Variants in EVC observed in about 807,000 individuals in gnomAD.
EVC encodes EvC ciliary complex subunit 1.
Under a neutral mutation model 118.9 loss-of-function variants are expected in EVC, and 116 were observed. That is an observed-to-expected ratio of 0.98 (90% CI 0.84 to 1.14). The LOEUF (loss-of-function observed/expected upper bound fraction) is 1.14, where lower values mean the gene tolerates loss of function less well. Among genes scored for constraint, EVC ranks in the 50% most tolerant of loss-of-function variants. The pLI, the probability that EVC is intolerant of heterozygous loss-of-function variation, is 0.00. For synonymous variants in EVC, 619 were observed against 534.7 expected, an observed-to-expected ratio of 1.16 and a Z score of -2.18; for missense variants, 1,401 against 1,246.4, an observed-to-expected ratio of 1.12 and a Z score of -1.87.
chr4:5,779,367 A>G (rs941784325), intron 11 of EVC, among the ~76,000 whole-genome samples: 4 of 150,864 alleles, frequency 2.7e-5, no homozygotes, highest in African/African-American at 9.7e-5. Context: ...GTTTTTTCCA[A>G]TTCTGTGAAG....
chr4:5,736,506 ATTTTTT>A (rs60275784), intron 5 of EVC, among the ~76,000 whole-genome samples: 4 of 136,182 alleles, frequency 2.9e-5, no homozygotes, highest in Admixed American at 7.4e-5. Flanking sequence ...GAGATGCTGC[ATTTTTT>A]TTTTTTTTTT....
rs1560427583 is a variant in EVC at position 5,798,578 on chromosome 4, C to T, written c.2098-8C>T. Reference sequence around the variant, plus strand: ...CTTGGCCCCTGCTCCCAGTCCTTTCCCTCCCAGGAGGCGCGTGTGCTGGAG... The same window carrying T: ...CTTGGCCCCTGCTCCCAGTCCTTTCTCTCCCAGGAGGCGCGTGTGCTGGAG... On this transcript the variant is annotated splice_region_variant and splice_polypyrimidine_tract_variant and intron_variant, in intron 14 of 20. Transcript: ENST00000264956. This position sits in a 1 kb window ranked among gnomAD's most constrained non-coding sequence, Gnocchi z 4.1. 2 of 1,556,024 alleles carry T rather than the reference C, an allele frequency of 1.3e-6. No individual in the cohort carries two copies. Among genetic ancestry groups the T allele is most frequent in the East Asian group, 2.4e-5 (1 of 41,428 alleles).
chr4:5,711,944 T>G (rs931260266), intron 1 of EVC, among the ~76,000 whole-genome samples: 4 of 152,180 alleles, frequency 2.6e-5, no homozygotes, highest in African/African-American at 9.7e-5. Context: ...CTTCCATCCT[T>G]GCGGTGTGGG....
chr4:5,797,084 C>A lies in EVC; in HGVS notation c.1949C>A (p.Ala650Glu). The A allele has an allele frequency of 1.9e-6, 3 of 1,613,474 alleles. 1 individual carries two copies. The highest frequency in any genetic ancestry group is 2.2e-5 in the South Asian group (2 of 91,082). The stretch of plus-strand genomic sequence containing the variant: ...TTGCGCTCAGCCCTCCGGAGGCTGG[C>A]ACTCCGCGGCAACGCCCTGGCCACC... Reference protein sequence around the residue: ...LLLRSALRRLALRGNALATLT... With the variant: ...LLLRSALRRLELRGNALATLT... Residue 650 changes from alanine (A) to glutamate (E), a missense_variant, in exon 14 of 21, where the codon GCA becomes GAA. By Grantham distance (107) the Ala-to-Glu change is moderately radical (BLOSUM62 -1). Transcript: ENST00000264956.
chr4:5,728,732 G>A (rs1275484734), intron 2 of EVC, among the ~76,000 whole-genome samples: 3 of 152,170 alleles, frequency 2.0e-5, no homozygotes, highest in Admixed American at 6.5e-5. Context: ...CCCAACTCTT[G>A]TGTGTGAATA....
chr4:5,770,244 T>C (rs7686087), intron 11 of EVC, among the ~76,000 whole-genome samples: 1 of 151,882 alleles, frequency 6.6e-6, no homozygotes, highest in African/African-American at 2.4e-5. Flanking sequence ...TGGCTGACCC[T>C]CCGCCCCCAC....
rs1277460242 is a variant in EVC at position 5,811,287 on chromosome 4, G to A, written c.*250G>A. ...GCATTTCATTTGGCTTGGAGCCCTG[G>A]CTCGATGCCTCATGGATCTTTCTCC... On this transcript the variant is annotated 3_prime_UTR_variant, in exon 21 of 21. Transcript: ENST00000264956. The A allele has an allele frequency of 2.1e-5, 10 of 478,876 alleles. No homozygotes were observed. Among genetic ancestry groups the A allele is most frequent in the South Asian group, 2.1e-4 (10 of 48,120 alleles). 29.7% of individuals were successfully genotyped at this position (478,876 alleles called of 1,614,324 possible).
At chr4:5,776,077 G>C (rs1363237809) in intron 11 of EVC, among the ~76,000 whole-genome samples, 6 of 151,628 alleles carry the variant, frequency 4.0e-5, no homozygotes, top group Admixed American at 3.9e-4. Flanking sequence ...TTTGCTAAGT[G>C]TGTTTCTCAT....
chr4:5,792,380 T>C (rs187180228), intron 12 of EVC, among the ~76,000 whole-genome samples: 4 of 152,338 alleles, frequency 2.6e-5, no homozygotes, highest in South Asian at 2.1e-4. Context: ...AATTATACTT[T>C]AGGCAGAAAA....
At chr4:5,810,680 G>A (rs1171121633) in intron 20 of EVC, among the ~76,000 whole-genome samples, 1 of 152,184 alleles carries the variant, frequency 6.6e-6, no homozygotes, top group Non-Finnish European at 1.5e-5. Context: ...GGCCAGATGA[G>A]CCTTGACCTA....
intron 1 of EVC, among the ~76,000 whole-genome samples, chr4:5,718,813 A>G (rs1724435215): frequency 6.6e-6 from 1 of 152,244 alleles, no homozygotes; most frequent in African/African-American, 2.4e-5. Flanking sequence ...GTCACCTAAC[A>G]TATTGTCTTA....
rs992618545 is a variant in EVC at position 5,742,376 on chromosome 4, T to G, written c.801+562T>G. ...AATGTCATAGTTGGCTGTGAATATG[T>G]GATGGCTGCTGTCATCCTCATTATC... On this transcript the variant is annotated intron_variant, in intron 6 of 20. Coordinates refer to ENST00000264956, the MANE Select transcript of EVC (RefSeq NM_153717.3). This position sits in a 1 kb window ranked among gnomAD's most constrained non-coding sequence, Gnocchi z 5.2. Among the ~76,000 whole-genome samples, 1 of 152,196 alleles carries G rather than the reference T, an allele frequency of 6.6e-6. No individual in the cohort carries two copies. The highest frequency in any genetic ancestry group is 1.5e-5 in the Non-Finnish European group (1 of 68,026).
At chr4:5,730,483 G>A (rs974056335) in intron 3 of EVC, among the ~76,000 whole-genome samples, 3 of 152,094 alleles carry the variant, frequency 2.0e-5, no homozygotes, top group Admixed American at 6.5e-5. Context: ...AGGGTGGGAC[G>A]GGTGGGTGGA....
At chr4:5,753,706 C>A in intron 9 of EVC, 79 bp from the exon 10 acceptor site, 2 of 1,581,642 alleles carry the variant, frequency 1.3e-6, no homozygotes, top group Non-Finnish European at 1.7e-6. Context: ...AACCTCCAGA[C>A]AGGAGAAAGC....
chr4:5,763,140 C>T (rs1341026764), intron 11 of EVC, among the ~76,000 whole-genome samples: 1 of 91,478 alleles, frequency 1.1e-5, no homozygotes, highest in African/African-American at 4.6e-5. Context: ...ATTTTCCCAG[C>T]ACCATTTATT....
the EVC span, among the ~76,000 whole-genome samples, chr4:5,822,970 C>T: frequency 6.6e-6 from 1 of 152,214 alleles, no homozygotes; most frequent in African/African-American, 2.4e-5. Context: ...TTCTTGCTGA[C>T]CTACCCACTG....
intron 12 of EVC, among the ~76,000 whole-genome samples, chr4:5,784,555 C>T (rs1246986600): frequency 6.6e-6 from 1 of 151,270 alleles, no homozygotes. Context: ...TCAGCTACAG[C>T]TTGTAGCAAT....
intron 2 of EVC, among the ~76,000 whole-genome samples, chr4:5,726,138 T>C (rs1405446496): frequency 1.3e-5 from 2 of 152,232 alleles, no homozygotes; most frequent in African/African-American, 4.8e-5. Context: ...ATAGGGTGTC[T>C]TATTCCAAGG....
chr4:5,765,762 C>G (rs955743225), intron 11 of EVC, among the ~76,000 whole-genome samples: 22 of 149,328 alleles, frequency 1.5e-4, no homozygotes, highest in Non-Finnish European at 3.1e-4. Context: ...CTTGGTAGCT[C>G]TTCCTCCATC....
Sources: gnomAD v4.1 joint callset for allele counts (sites outside exome capture counted in the v4.1 genomes callset) on GRCh38, gnomAD v4.1.1 for gene constraint, Gnocchi (gnomAD v3.1) non-coding constraint, MANE v1.5 for transcripts, NCBI Gene and HGNC (gene_info 2026-07-23, HGNC 2026-07-21) for gene names.